PRELID2: variants seen among roughly 807,000 people sequenced by gnomAD.
The protein encoded by PRELID2 is PRELI domain containing 2.
In PRELID2, 25 loss-of-function variants were observed where a neutral mutation model predicts 28.4. The observed-to-expected ratio is 0.88, with a 90% CI of 0.64 to 1.23. The LOEUF (loss-of-function observed/expected upper bound fraction) is 1.23, where lower values mean the gene tolerates loss of function less well. Ranked by LOEUF, PRELID2 falls within the 50% of genes most tolerant of loss-of-function variation. The pLI is 0.00. For missense variants in PRELID2, 201 were observed against 214.4 expected (o/e 0.94, Z 0.39); for synonymous variants, 76 against 71.6 (o/e 1.06, Z -0.31).
At chr5:145,575,001 T>G (rs1334097104) in intron 1 of PRELID2, among the ~76,000 whole-genome samples, 1 of 152,180 alleles carries the variant, frequency 6.6e-6, no homozygotes, top group South Asian at 2.1e-4. Flanking sequence ...CACAAAGGAT[T>G]GACTATACTC....
chr5:145,585,028 A>G (rs553140070), intron 1 of PRELID2, among the ~76,000 whole-genome samples: 2 of 152,216 alleles, frequency 1.3e-5, no homozygotes, highest in Non-Finnish European at 2.9e-5. Flanking sequence ...AAGACATGGA[A>G]TCAACCCAAA....
At chr5:145,281,038 T>C in the PRELID2 span, among the ~76,000 whole-genome samples, 1 of 152,144 alleles carries the variant, frequency 6.6e-6, no homozygotes, top group African/African-American at 2.4e-5. Flanking sequence ...TATCTCACCA[T>C]TCTGCATTCT....
the PRELID2 span, among the ~76,000 whole-genome samples, chr5:145,466,279 G>A: frequency 4.1e-4 from 63 of 152,130 alleles, 3 homozygotes; most frequent in South Asian, 0.013. Flanking sequence ...AATTTGGCAA[G>A]ATTAATATCT....
the PRELID2 span, among the ~76,000 whole-genome samples, chr5:145,427,880 A>G: frequency 6.6e-6 from 1 of 152,168 alleles, no homozygotes; most frequent in Admixed American, 6.5e-5. Flanking sequence ...TAATGGAGAG[A>G]ACAGATTGGA....
chr5:145,318,254 A>G, the PRELID2 span, among the ~76,000 whole-genome samples: 2 of 152,160 alleles, frequency 1.3e-5, no homozygotes, highest in African/African-American at 4.8e-5. Context: ...AAGATAAATC[A>G]AAGGCATTCA....
intron 1 of PRELID2, among the ~76,000 whole-genome samples, chr5:145,705,865 C>T (rs1203286972): frequency 1.3e-5 from 2 of 151,236 alleles, no homozygotes; most frequent in Admixed American, 6.6e-5. Flanking sequence ...TTTTTTCTCA[C>T]CATCAAAAAA....
the PRELID2 span, among the ~76,000 whole-genome samples, chr5:145,324,129 G>A: frequency 6.6e-6 from 1 of 152,116 alleles, no homozygotes; most frequent in East Asian, 1.9e-4. Flanking sequence ...GGACTAATGG[G>A]GAAATCAGAC....
chr5:145,369,782 T>G, the PRELID2 span, among the ~76,000 whole-genome samples: 2 of 152,046 alleles, frequency 1.3e-5, no homozygotes, highest in African/African-American at 4.8e-5. Context: ...CACCAGCATC[T>G]ATTGTTTCTT....
At chr5:145,312,882 G>A in the PRELID2 span, among the ~76,000 whole-genome samples, 2 of 151,946 alleles carry the variant, frequency 1.3e-5, no homozygotes, top group Admixed American at 1.3e-4. Flanking sequence ...TACAGAAGTG[G>A]AATTGCTGGA....
chr5:145,696,000 T>C (rs574921857), intron 1 of PRELID2, among the ~76,000 whole-genome samples: 1 of 152,256 alleles, frequency 6.6e-6, no homozygotes, highest in East Asian at 1.9e-4. Flanking sequence ...GAAAGTTTAA[T>C]CTTCAAGCTT....
chr5:145,652,873 A>G (rs1264448784), intron 1 of PRELID2, among the ~76,000 whole-genome samples: 1 of 152,214 alleles, frequency 6.6e-6, no homozygotes, highest in African/African-American at 2.4e-5. Context: ...TATCATCATA[A>G]TGACAGGATC....
At chr5:145,431,006 GTTTTTTTTTTTT>G in the PRELID2 span, among the ~76,000 whole-genome samples, 126 of 55,566 alleles carry the variant, frequency 2.3e-3, 1 homozygote, top group African/African-American at 6.3e-3. Context: ...CCTGGCAATG[GTTTTTTTTTTTT>G]TTTTTTTTTT....
At chr5:145,638,186 C>T (rs1285214934) in intron 1 of PRELID2, among the ~76,000 whole-genome samples, 1 of 152,178 alleles carries the variant, frequency 6.6e-6, no homozygotes, top group Non-Finnish European at 1.5e-5. Context: ...ACTACTACTA[C>T]TACCAGTACT....
the PRELID2 span, among the ~76,000 whole-genome samples, chr5:145,313,737 T>C: frequency 6.6e-6 from 1 of 152,264 alleles, no homozygotes; most frequent in East Asian, 1.9e-4. Flanking sequence ...TTCTTTCCCA[T>C]CCCTCACTTC....
intron 1 of PRELID2, among the ~76,000 whole-genome samples, chr5:145,708,663 C>T (rs1755611627): frequency 6.6e-6 from 1 of 152,116 alleles, no homozygotes; most frequent in African/African-American, 2.4e-5. Flanking sequence ...GATGTGTTTT[C>T]CCCCATTCTT....
chr5:145,809,739 A>G (rs1198455350), intron 4 of PRELID2, among the ~76,000 whole-genome samples: 1 of 152,266 alleles, frequency 6.6e-6, no homozygotes, highest in Admixed American at 6.5e-5. Context: ...GTTTGACAAC[A>G]TCGTGAATAG....
At chr5:145,717,895 G>C (rs1755885710) in intron 1 of PRELID2, among the ~76,000 whole-genome samples, 1 of 151,838 alleles carries the variant, frequency 6.6e-6, no homozygotes, top group Non-Finnish European at 1.5e-5. Context: ...TTCAGAGGCT[G>C]AGTATTTTCT....
chr5:145,728,717 G>C lies in PRELID2; in HGVS notation n.70+36214C>G, dbSNP rs1581106382. The C allele has an allele frequency of 1.9e-6, 3 of 1,560,658 alleles. No homozygotes were observed. The East Asian group carries it at 6.7e-5, about 35-fold the overall frequency. ...CTTCAGCAAGTCCAAATATAGCCCA[G>C]AACAGTGTCTTAAAACTCTCTTCAA... On this transcript the variant is annotated intron_variant and non_coding_transcript_variant, in intron 1 of 2. Coordinates refer to the PRELID2 transcript ENST00000510259.
intron 1 of PRELID2, among the ~76,000 whole-genome samples, chr5:145,487,613 A>G (rs1047450347): frequency 3.9e-5 from 6 of 152,108 alleles, no homozygotes; most frequent in African/African-American, 1.2e-4. Flanking sequence ...ATGCTTCAGG[A>G]CAGTCCATCT....
Sources: allele counts gnomAD v4.1 joint callset (sites outside exome capture counted in the v4.1 genomes callset), GRCh38; gene constraint gnomAD v4.1.1; transcripts MANE v1.5; gene names NCBI Gene and HGNC (gene_info 2026-07-23, HGNC 2026-07-21).